Variants in KCNMB2 observed in about 807,000 individuals in gnomAD.
The protein encoded by KCNMB2 is potassium calcium-activated channel subfamily M regulatory beta subunit 2.
In KCNMB2, 9 loss-of-function variants were observed where a neutral mutation model predicts 24.5. The observed-to-expected ratio is 0.37, with a 90% CI of 0.22 to 0.64. The LOEUF (loss-of-function observed/expected upper bound fraction) is 0.64. KCNMB2 is among the 30% of genes least tolerant of loss of function. The pLI is 0.63. For missense variants in KCNMB2, 226 were observed against 284.3 expected (o/e 0.79, Z 1.47); for synonymous variants, 109 against 104.4 (o/e 1.04, Z -0.27).
intron 4 of KCNMB2, among the ~76,000 whole-genome samples, chr3:178,832,033 T>C (rs924838538): frequency 3.9e-5 from 6 of 152,200 alleles, no homozygotes; most frequent in African/African-American, 1.4e-4. Context: ...ATTGTTGTTG[T>C]ATATAGTCAA....
At chr3:178,711,032 C>T (rs1252893933) in intron 1 of KCNMB2, among the ~76,000 whole-genome samples, 1 of 152,116 alleles carries the variant, frequency 6.6e-6, no homozygotes, top group African/African-American at 2.4e-5. Context: ...TTGCTCTGTT[C>T]CAGGAACTAT....
intron 1 of KCNMB2, among the ~76,000 whole-genome samples, chr3:178,691,693 T>C (rs1172081183): frequency 1.3e-5 from 2 of 152,240 alleles, no homozygotes; most frequent in Non-Finnish European, 2.9e-5. Flanking sequence ...GTCTCTGCTA[T>C]TGTGAATAGT....
intron 1 of KCNMB2, among the ~76,000 whole-genome samples, chr3:178,720,550 C>G (rs1260425692): frequency 1.7e-5 from 2 of 120,900 alleles, no homozygotes; most frequent in Non-Finnish European, 3.4e-5. Flanking sequence ...CCTGAGGAAT[C>G]GCCACACTGA....
chr3:178,631,923 C>G (rs1020565206), intron 1 of KCNMB2, among the ~76,000 whole-genome samples: 1 of 152,182 alleles, frequency 6.6e-6, no homozygotes. Flanking sequence ...TCACATCATG[C>G]ATGGTTTCCA....
chr3:178,808,225 GTAT>G (rs1288982222), intron 2 of KCNMB2, among the ~76,000 whole-genome samples: 54 of 152,244 alleles, frequency 3.5e-4, no homozygotes, highest in African/African-American at 1.1e-3. Context: ...GGGAGTAAAT[GTAT>G]TCATAAAATT....
intron 1 of KCNMB2, among the ~76,000 whole-genome samples, chr3:178,806,382 T>A (rs1465617838): frequency 2.0e-5 from 3 of 152,182 alleles, no homozygotes; most frequent in African/African-American, 7.2e-5. Flanking sequence ...TCAAAGTGTG[T>A]GGCATATAGT....
chr3:178,580,677 G>A (rs767905399), intron 1 of KCNMB2, among the ~76,000 whole-genome samples: 1 of 152,028 alleles, frequency 6.6e-6, no homozygotes, highest in South Asian at 2.1e-4. Context: ...AGTCTCAGGA[G>A]ACAAAATCAG....
intron 1 of KCNMB2, among the ~76,000 whole-genome samples, chr3:178,763,242 T>C (rs557459064): frequency 1.3e-5 from 2 of 152,208 alleles, no homozygotes; most frequent in Non-Finnish European, 2.9e-5. Context: ...TTGAAATGTA[T>C]AGTCATTCTT....
chr3:178,565,055 A>G (rs1716469982), intron 1 of KCNMB2, among the ~76,000 whole-genome samples: 1 of 152,174 alleles, frequency 6.6e-6, no homozygotes, highest in African/African-American at 2.4e-5. Flanking sequence ...TCAAAAATAC[A>G]AAAATATCAT....
In KCNMB2 at chr3:178,735,680, T is replaced by C. The variant is rs1000886977; in HGVS notation, c.-67-71663T>C. Reference sequence around the variant, plus strand: ...ATTGTATACATTTTAAGTGTGATGATATGCATACCAGGCTTAGTACTGGTA... The same window carrying C: ...ATTGTATACATTTTAAGTGTGATGACATGCATACCAGGCTTAGTACTGGTA... On this transcript the variant is annotated intron_variant, in intron 1 of 4. Transcript: ENST00000452583. Among the ~76,000 whole-genome samples the C allele has an allele frequency of 2.6e-5, 4 of 152,260 alleles. No individual in the cohort carries two copies. The East Asian group carries it at 7.7e-4, about 29-fold the overall frequency.
At chr3:178,558,544 C>A (rs1291244144) in intron 1 of KCNMB2, among the ~76,000 whole-genome samples, 1 of 152,194 alleles carries the variant, frequency 6.6e-6, no homozygotes, top group African/African-American at 2.4e-5. Context: ...CATCCCTCCA[C>A]CAACATTTCT....
intron 1 of KCNMB2, among the ~76,000 whole-genome samples, chr3:178,618,145 G>C (rs1396715509): frequency 6.6e-6 from 1 of 151,902 alleles, no homozygotes; most frequent in African/African-American, 2.4e-5. Context: ...ATCAAATTAT[G>C]GTTCCACAAG....
At chr3:178,572,283 C>T (rs1199549550) in intron 1 of KCNMB2, among the ~76,000 whole-genome samples, 1 of 152,144 alleles carries the variant, frequency 6.6e-6, no homozygotes. Flanking sequence ...CAAAGCTATA[C>T]AATTATATCC....
intron 1 of KCNMB2, among the ~76,000 whole-genome samples, chr3:178,756,112 T>C (rs539800493): frequency 1.3e-5 from 2 of 152,164 alleles, no homozygotes; most frequent in African/African-American, 4.8e-5. Flanking sequence ...CATAATGAAA[T>C]GTTAAAATAG....
chr3:178,626,512 GC>G (rs972427143), intron 1 of KCNMB2, among the ~76,000 whole-genome samples: 1 of 152,184 alleles, frequency 6.6e-6, no homozygotes, highest in African/African-American at 2.4e-5. Flanking sequence ...GTTCCACATG[GC>G]TGGGAAGGCC....
intron 1 of KCNMB2, among the ~76,000 whole-genome samples, chr3:178,559,537 AG>A (rs1362582375): frequency 6.6e-6 from 1 of 151,742 alleles, no homozygotes; most frequent in Non-Finnish European, 1.5e-5. Flanking sequence ...TCATTGTTTT[AG>A]GCAACAAGTG....
intron 1 of KCNMB2, among the ~76,000 whole-genome samples, chr3:178,777,707 A>T (rs1712640849): frequency 6.6e-6 from 1 of 152,246 alleles, no homozygotes. Flanking sequence ...GATCAAAAAA[A>T]TGCAGGGGAG....
intron 1 of KCNMB2, among the ~76,000 whole-genome samples, chr3:178,713,907 C>G (rs1420200702): frequency 6.6e-6 from 1 of 152,150 alleles, no homozygotes; most frequent in African/African-American, 2.4e-5. Context: ...AATCCCTCAT[C>G]ATTAACCCTG....
At chr3:178,761,407 T>C (rs1711870073) in intron 1 of KCNMB2, among the ~76,000 whole-genome samples, 1 of 152,216 alleles carries the variant, frequency 6.6e-6, no homozygotes, top group South Asian at 2.1e-4. Context: ...CATTTCCCCA[T>C]AAATCTTTCT....
Sources: gnomAD v4.1 joint callset for allele counts (sites outside exome capture counted in the v4.1 genomes callset) on GRCh38, gnomAD v4.1.1 for gene constraint, MANE v1.5 for transcripts, NCBI Gene and HGNC (gene_info 2026-07-23, HGNC 2026-07-21) for gene names.